Variants in PTPRT observed in about 807,000 individuals in gnomAD.
PTPRT encodes protein tyrosine phosphatase receptor type T, also known as receptor-type tyrosine-protein phosphatase T.
Under a neutral mutation model 176.8 loss-of-function variants are expected in PTPRT, and 56 were observed. The ratio of observed to expected loss-of-function variants is 0.32; its 90% CI spans 0.26 to 0.40. The LOEUF (loss-of-function observed/expected upper bound fraction) is 0.40. Ranked by LOEUF, PTPRT falls within the 10% of genes least tolerant of loss-of-function variation. The pLI is 1.00. For synonymous variants in PTPRT, 783 were observed against 739.0 expected, an observed-to-expected ratio of 1.06 and a Z score of -0.96; for missense variants, 1,540 against 1,908.2, an observed-to-expected ratio of 0.81 and a Z score of 3.60.
At chr20:43,030,549 C>G (rs1986101270) in intron 1 of PTPRT, among the ~76,000 whole-genome samples, 2 of 151,940 alleles carry the variant, frequency 1.3e-5, no homozygotes. Flanking sequence ...GAATATACCT[C>G]TGTTGTTCAG....
chr20:42,294,288 C>A (rs2057357295), intron 12 of PTPRT, among the ~76,000 whole-genome samples: 1 of 151,912 alleles, frequency 6.6e-6, no homozygotes, highest in Non-Finnish European at 1.5e-5. Flanking sequence ...AGGAAAAGGA[C>A]TTGAAAGAAC....
chr20:42,374,708 A>G (rs2058630356), intron 9 of PTPRT, among the ~76,000 whole-genome samples: 1 of 152,210 alleles, frequency 6.6e-6, no homozygotes, highest in Non-Finnish European at 1.5e-5. Flanking sequence ...AATACTTGCA[A>G]GTTTATATTA....
chr20:42,516,043 G>T (rs2072059644), intron 7 of PTPRT, among the ~76,000 whole-genome samples: 1 of 140,486 alleles, frequency 7.1e-6, no homozygotes, highest in Non-Finnish European at 1.5e-5. Context: ...TCATAGGTGG[G>T]AATTGAACAA....
intron 1 of PTPRT, among the ~76,000 whole-genome samples, chr20:42,997,812 G>A (rs1020489195): frequency 6.6e-6 from 1 of 152,074 alleles, no homozygotes; most frequent in Non-Finnish European, 1.5e-5. Flanking sequence ...GCTAATAAAG[G>A]TCATGACCAG....
intron 6 of PTPRT, among the ~76,000 whole-genome samples, chr20:42,704,055 G>A (rs552563708): frequency 3.3e-5 from 5 of 152,074 alleles, no homozygotes; most frequent in African/African-American, 9.6e-5. Flanking sequence ...TTCTAAGCAA[G>A]ACAAAACCAA....
In PTPRT at chr20:43,185,314, T is replaced by G. The variant is rs554304919; in HGVS notation, c.88+4332A>C. Among the ~76,000 whole-genome samples, 10 of 152,298 alleles carry G rather than the reference T, an allele frequency of 6.6e-5. No homozygotes were observed. The East Asian group carries it at 1.3e-3, about 21-fold the overall frequency. On this transcript the variant is annotated intron_variant, in intron 1 of 30. Coordinates refer to ENST00000373187, the MANE Select transcript of PTPRT (RefSeq NM_007050.6). Reference sequence around the variant, plus strand: ...TGTTTATCAAGTGCACAAAGTATCTTTTTCCCCCACAGCCCCAGAGTGCTG... The same window carrying G: ...TGTTTATCAAGTGCACAAAGTATCTGTTTCCCCCACAGCCCCAGAGTGCTG...
At chr20:43,150,337 A>G (rs553127305) in intron 1 of PTPRT, among the ~76,000 whole-genome samples, 1 of 152,348 alleles carries the variant, frequency 6.6e-6, no homozygotes, top group East Asian at 1.9e-4. Flanking sequence ...CCAGTAAAGG[A>G]TAACGGTCTC....
chr20:42,677,162 G>C (rs2075518949), intron 7 of PTPRT, among the ~76,000 whole-genome samples: 1 of 152,126 alleles, frequency 6.6e-6, no homozygotes, highest in South Asian at 2.1e-4. Flanking sequence ...GATACTGTCA[G>C]AGCCAGGAGG....
At chr20:42,700,373 A>G (rs1373976131) in intron 6 of PTPRT, among the ~76,000 whole-genome samples, 2 of 151,992 alleles carry the variant, frequency 1.3e-5, no homozygotes, top group Non-Finnish European at 2.9e-5. Flanking sequence ...CCCCCCTCAC[A>G]CAAGCTGTGT....
chr20:42,684,982 G>A (rs1046528595), intron 6 of PTPRT, among the ~76,000 whole-genome samples: 2 of 152,078 alleles, frequency 1.3e-5, no homozygotes, highest in Non-Finnish European at 2.9e-5. Flanking sequence ...AGTCTTCACA[G>A]CAACTTTATG....
intron 1 of PTPRT, among the ~76,000 whole-genome samples, chr20:43,014,102 C>T (rs572923835): frequency 3.9e-5 from 6 of 152,244 alleles, no homozygotes; most frequent in Non-Finnish European, 7.4e-5. Flanking sequence ...ATGATTAAAA[C>T]ATAGTGCCAT....
chr20:42,314,930 ATGCCAGT>A (rs67347592), intron 12 of PTPRT, among the ~76,000 whole-genome samples: 55,816 of 151,572 alleles, frequency 0.37, 10,739 homozygotes, highest in Non-Finnish European at 0.42. Context: ...ATAAGCACTA[ATGCCAGT>A]TAATTGGTGT....
At chr20:42,417,417 C>G (rs1000833794) in intron 9 of PTPRT, among the ~76,000 whole-genome samples, 34 of 151,920 alleles carry the variant, frequency 2.2e-4, no homozygotes, top group Admixed American at 2.2e-3. Context: ...CTGAACATGC[C>G]TTGTTTCGTT....
intron 14 of PTPRT, among the ~76,000 whole-genome samples, chr20:42,240,600 T>C (rs1023156539): frequency 3.3e-5 from 5 of 152,158 alleles, no homozygotes; most frequent in African/African-American, 1.2e-4. Context: ...TAACGACCCA[T>C]TTAACCACCT....
chr20:42,673,475 A>G (rs1205266045), intron 7 of PTPRT, among the ~76,000 whole-genome samples: 1 of 152,188 alleles, frequency 6.6e-6, no homozygotes. Context: ...TAATCCATCT[A>G]GGTTGCAGTA....
At chr20:42,314,526 CAAAAAA>C (rs386393782) in intron 12 of PTPRT, among the ~76,000 whole-genome samples, 2 of 102,324 alleles carry the variant, frequency 2.0e-5, no homozygotes, top group African/African-American at 3.5e-5. Flanking sequence ...GAGACTGTGT[CAAAAAA>C]AAAAAAAAAA....
At chr20:42,639,679 G>C (rs553139969) in intron 7 of PTPRT, among the ~76,000 whole-genome samples, 4 of 152,126 alleles carry the variant, frequency 2.6e-5, no homozygotes, top group African/African-American at 9.6e-5. Context: ...TTCTCTTCTT[G>C]ATGTCCCTGT....
rs565350079 is a variant in PTPRT, at chr20:42,192,253, C to T, written c.2491+6987G>A. On this transcript the variant is annotated intron_variant, in intron 16 of 30. Transcript: ENST00000373187. ...TCCCAGAGACCCATTTCCCAGCCAG[C>T]TGGCCATTTTCCTGAAAGGGTTAAG... 2.7e-4 allele frequency among the ~76,000 whole-genome samples: 41 copies of T among 152,292 alleles called. 1 individual carries two copies. In the South Asian group the frequency reaches 7.7e-3, roughly 28 times the overall value.
At chr20:42,620,757 C>T (rs978829122) in intron 7 of PTPRT, among the ~76,000 whole-genome samples, 1 of 152,212 alleles carries the variant, frequency 6.6e-6, no homozygotes. Context: ...TCCCTGACCC[C>T]TTGCACTTCC....
Sources: allele counts gnomAD v4.1 joint callset (sites outside exome capture counted in the v4.1 genomes callset), GRCh38; gene constraint gnomAD v4.1.1; transcripts MANE v1.5; gene names NCBI Gene and HGNC (gene_info 2026-07-23, HGNC 2026-07-21).